Variants in FNDC3B observed in about 807,000 individuals in gnomAD.
FNDC3B encodes fibronectin type III domain-containing protein 3B.
A neutral mutation model predicts 151.5 loss-of-function variants in FNDC3B; 12 were observed. The ratio of observed to expected loss-of-function variants is 0.08; its 90% confidence interval spans 0.05 to 0.13. The LOEUF (loss-of-function observed/expected upper bound fraction) is 0.13. FNDC3B is among the 10% of genes least tolerant of loss of function. The probability of loss-of-function intolerance (pLI) is 1.00; values close to 1 mark genes in which losing one functional copy is unlikely to be tolerated. For synonymous variants in FNDC3B, 528 were observed against 549.0 expected (o/e 0.96, Z 0.54); for missense variants, 1,214 against 1,505.3 (o/e 0.81, Z 3.20).
rs1385683584 is a variant in FNDC3B, at chr3:172,397,688, A to AT, written c.*213_*214insT. ...GGATTTTTTTTTTTAAAAAAAAGAA[A>AT]AAAAAAGAAGAAAAGTATACCAGAT... On this transcript the variant is annotated 3_prime_UTR_variant, in exon 26 of 26. Transcript: ENST00000415807. The AT allele has an allele frequency of 2.9e-6, 1 of 347,388 alleles. No individual in the cohort carries two copies. The highest frequency in any genetic ancestry group is 4.7e-5 in the Admixed American group (1 of 21,444). The allele number at this position is 347,388 out of a possible 1,614,324, so 21.5% of individuals were successfully genotyped here. A position where few individuals can be genotyped will look rare whatever the true frequency, so the allele number is the denominator to read the frequency against.
At chr3:172,128,330 T>C (rs755518578) in intron 2 of FNDC3B, among the ~76,000 whole-genome samples, 7 of 152,202 alleles carry the variant, frequency 4.6e-5, no homozygotes, top group Non-Finnish European at 8.8e-5. Context: ...GACATTTTCT[T>C]TGCATGTGTT....
chr3:172,251,988 T>G (rs1728103122), intron 6 of FNDC3B, among the ~76,000 whole-genome samples: 1 of 152,214 alleles, frequency 6.6e-6, no homozygotes, highest in African/African-American at 2.4e-5. Flanking sequence ...GAAATATGTT[T>G]CTGTTTAGTT....
At chr3:172,170,048 A>ATT (rs11421302) in intron 3 of FNDC3B, among the ~76,000 whole-genome samples, 24 of 151,832 alleles carry the variant, frequency 1.6e-4, no homozygotes, top group South Asian at 4.2e-4. Flanking sequence ...ATTCCAATCT[A>ATT]TTTTTTTTGT....
At chr3:172,383,921 G>A (rs609424) in intron 25 of FNDC3B, among the ~76,000 whole-genome samples, 108,008 of 151,874 alleles carry the variant, frequency 0.71, 39,755 homozygotes, top group Non-Finnish European at 0.83. Flanking sequence ...TGCATTCTTC[G>A]TCAGCACTTT....
intron 1 of FNDC3B, among the ~76,000 whole-genome samples, chr3:172,095,911 T>A (rs1719069189): frequency 6.6e-6 from 1 of 152,228 alleles, no homozygotes; most frequent in African/African-American, 2.4e-5. Context: ...CACCTTCCTA[T>A]GTTAGCAGAT....
intron 3 of FNDC3B, among the ~76,000 whole-genome samples, chr3:172,167,239 T>TA (rs1415517046): frequency 3.3e-5 from 5 of 152,090 alleles, no homozygotes; most frequent in African/African-American, 9.7e-5. Flanking sequence ...TTATTAAAAA[T>TA]AAAAAAGTTA....
At chr3:172,083,754 T>C (rs1718401233) in intron 1 of FNDC3B, among the ~76,000 whole-genome samples, 1 of 152,156 alleles carries the variant, frequency 6.6e-6, no homozygotes, top group South Asian at 2.1e-4. Context: ...GACGTCTTCT[T>C]ACGATTTCAA....
chr3:172,265,112 G>C (rs1417611586), intron 6 of FNDC3B, among the ~76,000 whole-genome samples: 1 of 152,176 alleles, frequency 6.6e-6, no homozygotes. Context: ...GGGTTCATTT[G>C]TAATATTGGG....
chr3:172,191,074 A>G (rs1406994376), intron 3 of FNDC3B, among the ~76,000 whole-genome samples: 1 of 152,228 alleles, frequency 6.6e-6, no homozygotes, highest in Non-Finnish European at 1.5e-5. Context: ...ATATAAATAG[A>G]TGAGACTGTA....
intron 1 of FNDC3B, among the ~76,000 whole-genome samples, chr3:172,052,839 CT>C (rs1716733066): frequency 1.3e-5 from 2 of 152,208 alleles, no homozygotes; most frequent in South Asian, 4.1e-4. Context: ...GAGAATAGTG[CT>C]TAGATTAAAG....
At chr3:172,083,871 A>G (rs1718409286) in intron 1 of FNDC3B, among the ~76,000 whole-genome samples, 1 of 152,234 alleles carries the variant, frequency 6.6e-6, no homozygotes. Flanking sequence ...AAAGTATAGT[A>G]GCCAGGTGGA....
At chr3:172,062,397 C>T (rs1301790781) in intron 1 of FNDC3B, among the ~76,000 whole-genome samples, 1 of 151,724 alleles carries the variant, frequency 6.6e-6, no homozygotes. Flanking sequence ...TTGCAACCTC[C>T]GCCTCGCAGG....
At chr3:172,085,490 G>A (rs1718506613) in intron 1 of FNDC3B, among the ~76,000 whole-genome samples, 1 of 152,262 alleles carries the variant, frequency 6.6e-6, no homozygotes, top group East Asian at 1.9e-4. Context: ...CCGAAGCTGA[G>A]TTGTCAGTTG....
rs146509900 is a variant in FNDC3B at position 172,321,572 on chromosome 3, G to T, written c.1255-7380G>T. On this transcript the variant is annotated intron_variant, in intron 11 of 25. Transcript: ENST00000415807. Reference sequence around the variant, plus strand: ...TTGTTTTGTTTTGAGACAGGGTCTTGCTCTGTTGCCCAGGCTGGAGTGCAG... The same window carrying T: ...TTGTTTTGTTTTGAGACAGGGTCTTTCTCTGTTGCCCAGGCTGGAGTGCAG... The T allele has an allele frequency of 9.2e-3, 1,723 of 186,764 alleles. 18 individuals are homozygous for T. The highest frequency in any genetic ancestry group is 0.014 in the Non-Finnish European group (1,314 of 91,936). The allele number at this position is 186,764 out of a possible 1,614,324, so 11.6% of individuals were successfully genotyped here.
intron 1 of FNDC3B, among the ~76,000 whole-genome samples, chr3:172,068,185 A>G (rs1717596108): frequency 6.6e-6 from 1 of 152,122 alleles, no homozygotes; most frequent in South Asian, 2.1e-4. Context: ...GTGGACTCCC[A>G]TTCTGGGCTC....
At chr3:172,394,106 TAA>T (rs60559371) in intron 25 of FNDC3B, among the ~76,000 whole-genome samples, 1,013 of 16,348 alleles carry the variant, frequency 0.062, 10 homozygotes, top group African/African-American at 0.072. Flanking sequence ...AGACTCCTTC[TAA>T]AAAAAAAAAA....
chr3:172,108,225 T>A (rs1719766554), intron 1 of FNDC3B, among the ~76,000 whole-genome samples: 1 of 151,574 alleles, frequency 6.6e-6, no homozygotes, highest in Admixed American at 6.6e-5. Context: ...ATATGTAAGG[T>A]CAAAATGTTT....
In FNDC3B at chr3:172,330,713, A is replaced by T. The variant is rs1732606443; in HGVS notation, c.1552A>T (p.Asn518Tyr). ...TYTLEIQEDE[N>Y]DNLFHPKYTG... ...CACCTTGGAAATTCAGGAGGATGAA[A>T]ATGTGAGTTTTACAGATTTTATACT... The change falls in exon 13 of 26, where the codon AAT becomes TAT. Residue 518 changes from asparagine (N) to tyrosine (Y), a missense_variant and splice_region_variant. By Grantham distance (143) the Asn-to-Tyr change is moderately radical. Around this residue, in one of 7 missense-constraint regions of FNDC3B, gnomAD observed 111 missense variants for 96.8 expected, o/e 1.15. Coordinates refer to ENST00000415807, the MANE Select transcript of FNDC3B (RefSeq NM_022763.4). 1 of 1,612,090 alleles carries T rather than the reference A, an allele frequency of 6.2e-7. No individual in the cohort carries two copies. The highest frequency in any genetic ancestry group is 8.5e-7 in the Non-Finnish European group (1 of 1,178,466).
rs925565869 is a variant in FNDC3B, at chr3:172,043,629, C to T, written c.-29+3858C>T. 4.6e-5 allele frequency among the ~76,000 whole-genome samples: 7 copies of T among 152,322 alleles called. No homozygotes were observed. In the East Asian group the frequency reaches 1.3e-3, roughly 29 times the overall value. On this transcript the variant is annotated intron_variant, in intron 1 of 25. Transcript: ENST00000415807. ...CTTTCTTCTACGATATCAGAAGTTA[C>T]ATTCAGCCCTTAAATGGAATTTAAA...
Sources: allele counts gnomAD v4.1 joint callset (sites outside exome capture counted in the v4.1 genomes callset), GRCh38; gene constraint gnomAD v4.1.1; regional missense constraint gnomAD v4.1.1; transcripts MANE v1.5; gene names NCBI Gene and HGNC (gene_info 2026-07-23, HGNC 2026-07-21).